Variants in ITSN1 observed in about 807,000 individuals in gnomAD.
The protein encoded by ITSN1 is intersectin 1.
In ITSN1, 58 loss-of-function variants were observed where a neutral mutation model predicts 239.8. That is an observed-to-expected ratio of 0.24 (90% CI 0.20 to 0.30). The LOEUF is 0.30. ITSN1 is among the 10% of genes least tolerant of loss of function. The pLI is 1.00. For synonymous variants in ITSN1, 780 were observed against 770.8 expected (o/e 1.01, Z -0.20); for missense variants, 1,558 against 2,103.3 (o/e 0.74, Z 5.07).
intron 1 of ITSN1, 56 bp from the exon 2 acceptor site, chr21:33,718,741 A>G: frequency 8.9e-7 from 1 of 1,128,784 alleles, no homozygotes; most frequent in Non-Finnish European, 1.4e-6. Context: ...TGGTGTGTTT[A>G]TGATTATACA....
rs1034291630 is a variant in ITSN1, at chr21:33,894,665, C to T, written c.*6365C>T. 3 of 152,184 alleles carry T rather than the reference C, an allele frequency of 2.0e-5. No homozygotes were observed. The highest frequency in any genetic ancestry group is 7.2e-5 in the African/African-American group (3 of 41,442). 9.4% of individuals were successfully genotyped at this position (152,184 alleles called of 1,614,324 possible). ...TTCTTCCAGAAGTTCTGGTTTTATA[C>T]TTTTATCTTTTGAAAGAATAACATT... On this transcript the variant is annotated 3_prime_UTR_variant, in exon 40 of 40. Coordinates refer to ENST00000381318, the MANE Select transcript of ITSN1 (RefSeq NM_003024.3).
intron 2 of ITSN1, among the ~76,000 whole-genome samples, 199 bp from the exon 3 acceptor site, chr21:33,720,975 CTCTT>C (rs2065449287): frequency 6.6e-6 from 1 of 152,196 alleles, no homozygotes; most frequent in African/African-American, 2.4e-5. Flanking sequence ...CCCATTCTCT[CTCTT>C]TCTGTTTCTT....
chr21:33,710,180 G>T (rs111240148), intron 1 of ITSN1, among the ~76,000 whole-genome samples: 2 of 150,748 alleles, frequency 1.3e-5, no homozygotes, highest in East Asian at 3.9e-4. Flanking sequence ...CCGGGTTCAC[G>T]CCATTCTCCT....
At chr21:33,683,220 G>T (rs1601616581) in intron 1 of ITSN1, among the ~76,000 whole-genome samples, 1 of 151,886 alleles carries the variant, frequency 6.6e-6, no homozygotes, top group Non-Finnish European at 1.5e-5. Context: ...TTTACTCAGA[G>T]ATCATCTTTT....
intron 4 of ITSN1, among the ~76,000 whole-genome samples, chr21:33,732,408 G>A (rs1372065430): frequency 1.3e-5 from 2 of 152,068 alleles, no homozygotes; most frequent in Non-Finnish European, 2.9e-5. Context: ...GCTGAGATGA[G>A]GGGTCCATTC....
intron 4 of ITSN1, 87 bp downstream of exon 4, chr21:33,722,738 T>G: frequency 1.5e-6 from 2 of 1,294,958 alleles, no homozygotes; most frequent in Non-Finnish European, 2.1e-6. Flanking sequence ...TGATTTCTTA[T>G]GTTATAAAAG....
chr21:33,747,340 T>C (rs769022020), intron 5 of ITSN1, among the ~76,000 whole-genome samples: 2 of 152,100 alleles, frequency 1.3e-5, no homozygotes, highest in Non-Finnish European at 2.9e-5. Context: ...CAGAGACTTA[T>C]GGAACAAGAC....
chr21:33,763,504 A>G (rs2068512873), intron 9 of ITSN1, among the ~76,000 whole-genome samples: 2 of 152,212 alleles, frequency 1.3e-5, no homozygotes, highest in Non-Finnish European at 2.9e-5. Flanking sequence ...TGGATGCTAG[A>G]TGCCAGTAGC....
intron 24 of ITSN1, among the ~76,000 whole-genome samples, chr21:33,822,476 A>G (rs796287172): frequency 1.1e-4 from 16 of 152,332 alleles, no homozygotes; most frequent in Non-Finnish European, 2.1e-4. Flanking sequence ...ATGGAGAAAA[A>G]GGGGAAATAA....
chr21:33,735,070 G>A lies in ITSN1; in HGVS notation c.212G>A (p.Gly71Glu). Residue 71 changes from glycine (G) to glutamate (E), a missense_variant, in exon 5 of 40, where the codon GGA becomes GAA. By Grantham distance (98) the Gly-to-Glu change is moderately conservative. Coordinates refer to ENST00000381318, the MANE Select transcript of ITSN1 (RefSeq NM_003024.3). ...GCACTAGCTGACATGAATAATGATG[G>A]AAGAATGGATCAAGTGGAGTTTTCC... ...IWALADMNND[G>E]RMDQVEFSIA... The A allele has an allele frequency of 6.2e-7, 1 of 1,613,550 alleles. No homozygotes were observed. Among genetic ancestry groups the A allele is most frequent in the Non-Finnish European group, 8.5e-7 (1 of 1,179,800 alleles).
At chr21:33,688,938 T>C (rs1335917956) in intron 1 of ITSN1, among the ~76,000 whole-genome samples, 1 of 152,052 alleles carries the variant, frequency 6.6e-6, no homozygotes, top group Non-Finnish European at 1.5e-5. Context: ...TTCTCCTGTC[T>C]TAGCCTCCTG....
chr21:33,767,864 A>C, intron 11 of ITSN1, 36 bp downstream of exon 11: 1 of 1,122,440 alleles, frequency 8.9e-7, no homozygotes, highest in Non-Finnish European at 1.3e-6. Flanking sequence ...AATCATTTAG[A>C]TTAAACGAAA....
At chr21:33,742,344 C>T (rs766629965) in intron 5 of ITSN1, among the ~76,000 whole-genome samples, 30 of 152,236 alleles carry the variant, frequency 2.0e-4, no homozygotes, top group South Asian at 4.2e-4. Context: ...CGTGAGCCAC[C>T]GCGCCTGGCC....
chr21:33,666,066 T>G (rs1324299153), intron 1 of ITSN1, among the ~76,000 whole-genome samples: 1 of 152,094 alleles, frequency 6.6e-6, no homozygotes, highest in Non-Finnish European at 1.5e-5. Flanking sequence ...GTAGCTGGGA[T>G]TACAGGTGCC....
chr21:33,683,112 A>G (rs2091057876), intron 1 of ITSN1, among the ~76,000 whole-genome samples: 1 of 152,048 alleles, frequency 6.6e-6, no homozygotes, highest in South Asian at 2.1e-4. Context: ...TGAAAGGTAG[A>G]CAGTTGGCCT....
intron 1 of ITSN1, among the ~76,000 whole-genome samples, chr21:33,692,652 C>A (rs1042926836): frequency 9.9e-5 from 15 of 151,778 alleles, no homozygotes; most frequent in Non-Finnish European, 5.9e-5. Flanking sequence ...CTGAATTTGA[C>A]TAAATTTAGA....
chr21:33,737,080 A>T (rs914195594), intron 5 of ITSN1, among the ~76,000 whole-genome samples: 1 of 152,228 alleles, frequency 6.6e-6, no homozygotes, highest in Non-Finnish European at 1.5e-5. Context: ...AGGTCAAATG[A>T]CTAGAGGCAC....
At chr21:33,817,567 C>T (rs1423160098) in intron 22 of ITSN1, 4 of 1,302,350 alleles carry the variant, frequency 3.1e-6, no homozygotes, top group Non-Finnish European at 4.0e-6. Context: ...TCTCTGTCTT[C>T]CCCATTACTT....
chr21:33,856,817 C>G lies in ITSN1; in HGVS notation c.3743C>G (p.Thr1248Ser). 1.9e-6 allele frequency: 3 copies of G among 1,614,104 alleles called. No individual in the cohort carries two copies. The highest frequency in any genetic ancestry group is 1.1e-5 in the South Asian group (1 of 91,076). ...RQGYIHELIVTEENYVNDLQL... is the reference protein window; with the variant it reads ...RQGYIHELIVSEENYVNDLQL... The stretch of plus-strand genomic sequence containing the variant: ...GGATACATCCACGAGCTCATTGTCA[C>G]CGAGGAGAACTATGTGAATGACCTG... The change falls in exon 30 of 40, where the codon ACC (threonine) becomes AGC (serine). Residue 1248 changes from threonine (T) to serine (S), a missense_variant. Thr to Ser is a moderately conservative substitution (Grantham distance 58). Transcript: ENST00000381318.
Sources: allele counts gnomAD v4.1 joint callset (sites outside exome capture counted in the v4.1 genomes callset), GRCh38; gene constraint gnomAD v4.1.1; transcripts MANE v1.5; gene names NCBI Gene and HGNC (gene_info 2026-07-23, HGNC 2026-07-21).